Variants in UBE2G1 observed in about 807,000 individuals in gnomAD.
UBE2G1 encodes ubiquitin-conjugating enzyme E2 G1.
UBE2G1 carries 5 observed loss-of-function variants against 22.7 expected under a neutral mutation model. The ratio of observed to expected loss-of-function variants is 0.22; its 90% CI spans 0.12 to 0.46. The LOEUF (loss-of-function observed/expected upper bound fraction) is 0.46, where lower values mean the gene tolerates loss of function less well. UBE2G1 is among the 20% of genes least tolerant of loss of function. UBE2G1 has a pLI of 0.99. For synonymous variants in UBE2G1, 74 were observed against 67.5 expected (o/e 1.10, Z -0.47); for missense variants, 88 against 203.9 (o/e 0.43, Z 3.46).
intron 1 of UBE2G1, among the ~76,000 whole-genome samples, chr17:4,330,680 T>C (rs1969563371): frequency 6.6e-6 from 1 of 152,200 alleles, no homozygotes; most frequent in East Asian, 1.9e-4. Flanking sequence ...GAGGTTGCGG[T>C]GAGCCAAGAT....
intron 1 of UBE2G1, 58 bp downstream of exon 1, chr17:4,366,213 G>T: frequency 1.3e-6 from 2 of 1,486,646 alleles, no homozygotes; most frequent in East Asian, 2.8e-5. Context: ...AAGAGGGACT[G>T]GGCTGCGGCT....
intron 1 of UBE2G1, among the ~76,000 whole-genome samples, chr17:4,353,448 G>GAT (rs142740176): frequency 0.068 from 9,463 of 139,132 alleles, 945 homozygotes; most frequent in African/African-American, 0.24. Context: ...GAGTTTCGTT[G>GAT]ATATATATAT....
intron 2 of UBE2G1, among the ~76,000 whole-genome samples, chr17:4,305,778 G>A (rs1969242754): frequency 6.6e-6 from 1 of 152,176 alleles, no homozygotes; most frequent in South Asian, 2.1e-4. Flanking sequence ...CTGACCACAG[G>A]TGATCCACAC....
intron 2 of UBE2G1, chr17:4,301,845 C>T (rs891596307): frequency 6.7e-5 from 34 of 511,250 alleles, no homozygotes; most frequent in African/African-American, 5.8e-4. Context: ...ATTGGAAGTA[C>T]GGTAAACATG....
intron 3 of UBE2G1, among the ~76,000 whole-genome samples, chr17:4,293,040 A>G (rs905746080): frequency 2.6e-5 from 4 of 152,202 alleles, no homozygotes; most frequent in African/African-American, 7.2e-5. Flanking sequence ...TCTGTCTAGT[A>G]TGTCTACAGA....
intron 5 of UBE2G1, 48 bp downstream of exon 5, chr17:4,282,750 T>C (rs1162177198): frequency 5.6e-6 from 7 of 1,260,392 alleles, no homozygotes; most frequent in South Asian, 1.4e-5. Context: ...CAAAAACTAA[T>C]AGGATACTTA....
At chr17:4,292,664 T>C (rs574637119) in intron 3 of UBE2G1, among the ~76,000 whole-genome samples, 1 of 152,384 alleles carries the variant, frequency 6.6e-6, no homozygotes, top group South Asian at 2.1e-4. Flanking sequence ...GCATCTGTGG[T>C]ACTCTTGTTT....
chr17:4,331,278 G>A (rs1969574479), intron 1 of UBE2G1, among the ~76,000 whole-genome samples: 1 of 152,156 alleles, frequency 6.6e-6, no homozygotes, highest in Non-Finnish European at 1.5e-5. Context: ...CAAGGATTAT[G>A]TATAAATGTT....
chr17:4,302,248 A>G, intron 2 of UBE2G1: 2 of 470,206 alleles, frequency 4.3e-6, no homozygotes, highest in South Asian at 3.3e-5. Context: ...ATCAGCTCCC[A>G]CACCCCAGTA....
intron 1 of UBE2G1, among the ~76,000 whole-genome samples, chr17:4,341,350 G>T (rs1269281047): frequency 6.6e-6 from 1 of 152,018 alleles, no homozygotes; most frequent in South Asian, 2.1e-4. Context: ...AATCTCTGCC[G>T]ATGTATTTAC....
intron 1 of UBE2G1, among the ~76,000 whole-genome samples, chr17:4,341,397 C>T (rs564466392): frequency 6.6e-6 from 1 of 152,224 alleles, no homozygotes; most frequent in Non-Finnish European, 1.5e-5. Context: ...GGATCAACTG[C>T]CCTTGCTCCT....
chr17:4,302,918 C>A (rs1969201725), intron 2 of UBE2G1, among the ~76,000 whole-genome samples: 1 of 152,122 alleles, frequency 6.6e-6, no homozygotes. Flanking sequence ...AAAAGGCCAA[C>A]CAACAATGAA....
rs1969459756 is a variant in UBE2G1, at chr17:4,322,981, T to C, written c.47-15858A>G. 2.6e-5 allele frequency among the ~76,000 whole-genome samples: 4 copies of C among 152,302 alleles called. No homozygotes were observed. In the South Asian group the frequency reaches 6.2e-4, roughly 24 times the overall value. On this transcript the variant is annotated intron_variant, in intron 1 of 5. Coordinates refer to ENST00000396981, the MANE Select transcript of UBE2G1 (RefSeq NM_003342.5). ...GCTCAGTTGCAAAGCAAGCCCTGAA[T>C]TGTTTGAGAGGTTTAAGAACAGTAC...
chr17:4,366,419 G>C lies in UBE2G1; in HGVS notation c.-103C>G, dbSNP rs950778760. 1 of 1,218,050 alleles carries C rather than the reference G, an allele frequency of 8.2e-7. No individual in the cohort carries two copies. The highest frequency in any genetic ancestry group is 1.1e-6 in the Non-Finnish European group (1 of 942,716). The allele number at this position is 1,218,050 out of a possible 1,614,324, so 75.5% of individuals were successfully genotyped here. A position where few individuals can be genotyped will look rare whatever the true frequency, so the allele number is the denominator to read the frequency against. On this transcript the variant is annotated 5_prime_UTR_variant, in exon 1 of 6. Transcript: ENST00000396981. ...GTGTGCCGAGGAACCCGGGCCCCGCGACCGGAGCGCCGGAGCCGAGGAAGG... is the reference window on the plus strand; with the variant it reads ...GTGTGCCGAGGAACCCGGGCCCCGCCACCGGAGCGCCGGAGCCGAGGAAGG...
intron 5 of UBE2G1, among the ~76,000 whole-genome samples, chr17:4,280,915 G>T (rs1338058549): frequency 6.6e-6 from 1 of 152,144 alleles, no homozygotes; most frequent in African/African-American, 2.4e-5. Flanking sequence ...TTACAGGTGT[G>T]AGCCACCGCA....
intron 1 of UBE2G1, among the ~76,000 whole-genome samples, chr17:4,360,888 G>A (rs550700837): frequency 5.3e-5 from 8 of 151,640 alleles, no homozygotes; most frequent in Non-Finnish European, 1.2e-4. Context: ...CTACAGCCTG[G>A]GCAACAAGAG....
chr17:4,270,338 C>A lies in UBE2G1; in HGVS notation c.*2216G>T, dbSNP rs1028409730. On this transcript the variant is annotated 3_prime_UTR_variant, in exon 6 of 6. Coordinates refer to ENST00000396981, the MANE Select transcript of UBE2G1 (RefSeq NM_003342.5). ...ACTCCGTTTTGCCACAAGCAACCACCATGTGAACAAGTTCTGATTTTAAAA... is the reference window on the plus strand; with the variant it reads ...ACTCCGTTTTGCCACAAGCAACCACAATGTGAACAAGTTCTGATTTTAAAA... 4 of 152,378 alleles carry A rather than the reference C, an allele frequency of 2.6e-5. No homozygotes were observed. The highest frequency in any genetic ancestry group is 9.7e-5 in the African/African-American group (4 of 41,400). The allele number at this position is 152,378 out of a possible 1,614,324, so 9.4% of individuals were successfully genotyped here.
chr17:4,289,802 G>A (rs1283882121), intron 3 of UBE2G1, among the ~76,000 whole-genome samples: 1 of 152,122 alleles, frequency 6.6e-6, no homozygotes, highest in East Asian at 1.9e-4. Flanking sequence ...TCTATGTAAT[G>A]GCCTCCTAGT....
At chr17:4,305,873 A>G (rs1969243726) in intron 2 of UBE2G1, among the ~76,000 whole-genome samples, 1 of 152,196 alleles carries the variant, frequency 6.6e-6, no homozygotes, top group Non-Finnish European at 1.5e-5. Flanking sequence ...AATACATACT[A>G]GTAAATTTAA....
Sources: allele counts gnomAD v4.1 joint callset (sites outside exome capture counted in the v4.1 genomes callset), GRCh38; gene constraint gnomAD v4.1.1; transcripts MANE v1.5; gene names NCBI Gene and HGNC (gene_info 2026-07-23, HGNC 2026-07-21).